Variants in ACBD6 observed in about 807,000 individuals in gnomAD.
The protein encoded by ACBD6 is acyl-CoA binding domain containing 6.
ACBD6 carries 28 observed loss-of-function variants against 37.2 expected under a neutral mutation model. The ratio of observed to expected loss-of-function variants is 0.75; its 90% CI spans 0.56 to 1.03. ACBD6 has a LOEUF of 1.03. ACBD6 is among the 50% of genes least tolerant of loss of function. ACBD6 has a pLI of 0.00. For missense variants in ACBD6, 340 were observed against 337.4 expected, an observed-to-expected ratio of 1.01 and a Z score of -0.06; for synonymous variants, 113 against 126.8, an observed-to-expected ratio of 0.89 and a Z score of 0.73.
chr1:180,501,451 C>G (rs1353638719), intron 1 of ACBD6, among the ~76,000 whole-genome samples: 2 of 152,246 alleles, frequency 1.3e-5, no homozygotes, highest in African/African-American at 4.8e-5. Flanking sequence ...CCTCAGCCTC[C>G]CGAGTAGCTG....
At position 180,274,353 on chromosome 1, in the gene ACBD6, C is replaced by T. The variant is rs866073006; in HGVS notation, c.*937-241G>A. ...TATGGAATCCCCCAGTCTCCATCCT[C>T]CATATCGTCCCTGCCATCCCACGCT... On this transcript the variant is annotated intron_variant, in intron 10 of 13. Transcript: ENST00000642319. 5 of 1,614,120 alleles carry T rather than the reference C, an allele frequency of 3.1e-6. No homozygotes were observed. In the African/African-American group the frequency reaches 5.3e-5, roughly 17 times the overall value.
chr1:180,331,155 T>G (rs575300122), intron 6 of ACBD6, among the ~76,000 whole-genome samples: 1 of 152,290 alleles, frequency 6.6e-6, no homozygotes, highest in South Asian at 2.1e-4. Flanking sequence ...AACAGTAGCT[T>G]CTAGGGTCAC....
intron 6 of ACBD6, among the ~76,000 whole-genome samples, chr1:180,391,501 A>G (rs1384302955): frequency 1.6e-5 from 2 of 124,392 alleles, no homozygotes; most frequent in Non-Finnish European, 3.5e-5. Flanking sequence ...AAATCTGAAT[A>G]GAAATTTCCA....
chr1:180,351,944 T>C (rs1652435239), intron 6 of ACBD6, among the ~76,000 whole-genome samples: 1 of 152,214 alleles, frequency 6.6e-6, no homozygotes, highest in African/African-American at 2.4e-5. Flanking sequence ...GGTATATACA[T>C]ACAAAGTGAG....
intron 7 of ACBD6, among the ~76,000 whole-genome samples, chr1:180,301,196 G>A (rs1266953200): frequency 6.6e-6 from 1 of 152,112 alleles, no homozygotes; most frequent in Non-Finnish European, 1.5e-5. Flanking sequence ...TTTGGTGTCT[G>A]TATACTTTTT....
chr1:180,272,441 T>C (rs1648729227), intron 13 of ACBD6, among the ~76,000 whole-genome samples: 3 of 152,226 alleles, frequency 2.0e-5, no homozygotes, highest in Admixed American at 2.0e-4. Flanking sequence ...GGGGAGGTCA[T>C]GCTCCACAGG....
chr1:180,274,137 AT>A (rs1648872851), intron 10 of ACBD6: 2 of 1,612,336 alleles, frequency 1.2e-6, no homozygotes, highest in East Asian at 4.5e-5. Flanking sequence ...GCAGGGGACC[AT>A]CAGAGTCCTG....
intron 6 of ACBD6, among the ~76,000 whole-genome samples, chr1:180,394,092 CTGTTT>C (rs1654170767): frequency 6.6e-6 from 1 of 152,122 alleles, no homozygotes; most frequent in Non-Finnish European, 1.5e-5. Context: ...GTTCAAAAAA[CTGTTT>C]TGTTGTTTTT....
At chr1:180,371,185 A>C (rs1361862553) in intron 6 of ACBD6, among the ~76,000 whole-genome samples, 1 of 152,054 alleles carries the variant, frequency 6.6e-6, no homozygotes, top group Non-Finnish European at 1.5e-5. Context: ...GATGATTATA[A>C]GGAAAAAAGA....
At chr1:180,472,374 T>G (rs144765893) in intron 3 of ACBD6, among the ~76,000 whole-genome samples, 105 of 152,288 alleles carry the variant, frequency 6.9e-4, no homozygotes, top group African/African-American at 2.4e-3. Flanking sequence ...TATTGTGATT[T>G]AGGGTAGATG....
At chr1:180,293,386 C>A (rs1014999725) in intron 7 of ACBD6, among the ~76,000 whole-genome samples, 2 of 150,438 alleles carry the variant, frequency 1.3e-5, no homozygotes, top group African/African-American at 2.4e-5. Context: ...TGGCTCACTG[C>A]AACCTCTACC....
intron 5 of ACBD6, among the ~76,000 whole-genome samples, chr1:180,398,979 T>G (rs1654367810): frequency 6.6e-6 from 1 of 152,206 alleles, no homozygotes; most frequent in Non-Finnish European, 1.5e-5. Flanking sequence ...TCATTCAGAC[T>G]TTCTTCACAT....
intron 3 of ACBD6, among the ~76,000 whole-genome samples, chr1:180,448,790 C>A (rs1172488163): frequency 1.3e-5 from 2 of 152,180 alleles, no homozygotes; most frequent in African/African-American, 4.8e-5. Context: ...CTGCTTCCTT[C>A]TAAAGAGATG....
At chr1:180,439,121 T>G (rs1348086080) in intron 3 of ACBD6, among the ~76,000 whole-genome samples, 1 of 152,254 alleles carries the variant, frequency 6.6e-6, no homozygotes, top group Non-Finnish European at 1.5e-5. Context: ...TTTTAAAAAT[T>G]TTAAATTATT....
At position 180,405,779 on chromosome 1, in the gene ACBD6, C is replaced by T. The variant is rs191520915; in HGVS notation, c.573+7587G>A. 5.2e-3 allele frequency among the ~76,000 whole-genome samples: 795 copies of T among 152,226 alleles called. 4 individuals carry two copies. The highest frequency in any genetic ancestry group is 0.018 in the African/African-American group (734 of 41,540). ...ATACTCTCCCCATACTTTAAATACA[C>T]TTCACAAATTATTGAAATCATCCCT... On this transcript the variant is annotated intron_variant, in intron 5 of 7. Transcript: ENST00000367595.
chr1:180,354,448 A>G (rs967133593), intron 6 of ACBD6, among the ~76,000 whole-genome samples: 5 of 152,056 alleles, frequency 3.3e-5, no homozygotes, highest in African/African-American at 1.2e-4. Context: ...GCCATGGACT[A>G]GGGGATATGG....
chr1:180,280,678 C>G (rs1165407062), intron 9 of ACBD6, among the ~76,000 whole-genome samples: 1 of 152,166 alleles, frequency 6.6e-6, no homozygotes, highest in Non-Finnish European at 1.5e-5. Flanking sequence ...AGAGATCTTA[C>G]TGGGTTATAT....
chr1:180,307,688 C>T (rs1427799857), intron 7 of ACBD6, among the ~76,000 whole-genome samples: 1 of 152,186 alleles, frequency 6.6e-6, no homozygotes, highest in Admixed American at 6.5e-5. Flanking sequence ...GGTACAGTGG[C>T]TCATGCCTGT....
intron 4 of ACBD6, among the ~76,000 whole-genome samples, chr1:180,415,504 A>G (rs1384164464): frequency 6.6e-6 from 1 of 152,200 alleles, no homozygotes; most frequent in African/African-American, 2.4e-5. Flanking sequence ...CCAATCCAGT[A>G]ACAGAAAACC....
Sources: allele counts gnomAD v4.1 joint callset (sites outside exome capture counted in the v4.1 genomes callset), GRCh38; gene constraint gnomAD v4.1.1; transcripts MANE v1.5; gene names NCBI Gene and HGNC (gene_info 2026-07-23, HGNC 2026-07-21).